Variants in PCDHGA2 observed in about 807,000 individuals in gnomAD.
PCDHGA2 encodes protocadherin gamma subfamily A, 2.
A neutral mutation model predicts 59.2 loss-of-function variants in PCDHGA2; 40 were observed. The observed-to-expected ratio is 0.68, with a 90% CI of 0.52 to 0.88. PCDHGA2 has a LOEUF of 0.88. PCDHGA2 is among the 40% of genes least tolerant of loss of function. The pLI is 0.00. For synonymous variants in PCDHGA2, 560 were observed against 526.0 expected (o/e 1.06, Z -0.89); for missense variants, 1,226 against 1,204.0 (o/e 1.02, Z -0.27).
At chr5:141,463,460 T>TTC (rs573961569) in intron 1 of PCDHGA2, among the ~76,000 whole-genome samples, 28 of 136,126 alleles carry the variant, frequency 2.1e-4, no homozygotes, top group Admixed American at 4.4e-4. Context: ...TTTTTTTTTT[T>TTC]TTTTTTGAGA....
At chr5:141,440,579 C>G (rs1004258822) in intron 1 of PCDHGA2, 12 of 152,188 alleles carry the variant, frequency 7.9e-5, no homozygotes, top group African/African-American at 2.7e-4. Flanking sequence ...TGAGTTTACC[C>G]AGCTGGAACA....
intron 1 of PCDHGA2, among the ~76,000 whole-genome samples, chr5:141,349,567 G>C (rs990181997): frequency 6.6e-6 from 1 of 151,960 alleles, no homozygotes; most frequent in African/African-American, 2.4e-5. Flanking sequence ...TAATAGTAAG[G>C]CTGTGATTTC....
chr5:141,393,261 G>A lies in PCDHGA2; in HGVS notation c.2424+51866G>A, dbSNP rs567943150. 16 of 1,613,898 alleles carry A rather than the reference G, an allele frequency of 9.9e-6. 1 individual carries two copies. Among genetic ancestry groups the A allele is most frequent in the South Asian group, 1.1e-5 (1 of 91,090 alleles). ...AATTAACGAAATCGCGGTTCCTGGAGCACGTTATCCACTCCCAGAAGCTGT... is the reference window on the plus strand; with the variant it reads ...AATTAACGAAATCGCGGTTCCTGGAACACGTTATCCACTCCCAGAAGCTGT... On this transcript the variant is annotated intron_variant, in intron 1 of 3. Transcript: ENST00000394576.
At chr5:141,344,891 G>A (rs1757488219) in intron 1 of PCDHGA2, 4 of 1,613,898 alleles carry the variant, frequency 2.5e-6, no homozygotes, top group Non-Finnish European at 2.5e-6. Flanking sequence ...AAATGCCTGG[G>A]AAAATCGCTG....
At chr5:141,414,090 A>C (rs2095707874) in intron 1 of PCDHGA2, 4 of 1,598,352 alleles carry the variant, frequency 2.5e-6, no homozygotes, top group Non-Finnish European at 3.4e-6. Context: ...CTGGAGAAAT[A>C]AAAATATCAG....
intron 2 of PCDHGA2, among the ~76,000 whole-genome samples, chr5:141,497,393 CT>C (rs1035907100): frequency 2.1e-4 from 32 of 152,254 alleles, no homozygotes; most frequent in African/African-American, 7.5e-4. Context: ...CACCTTACCC[CT>C]GCCTCAACTC....
chr5:141,477,193 C>G lies in PCDHGA2; in HGVS notation c.2425-17614C>G. The G allele has an allele frequency of 6.2e-7, 1 of 1,614,176 alleles. No homozygotes were observed. Among genetic ancestry groups the G allele is most frequent in the Non-Finnish European group, 8.5e-7 (1 of 1,180,036 alleles). On this transcript the variant is annotated intron_variant, in intron 1 of 3. Transcript: ENST00000394576. This position sits in a 1 kb window ranked among gnomAD's most constrained non-coding sequence, Gnocchi z 4.9. ...AGATCACAGTCACCTCCGTGTACAG[C>G]CCAGTACCCGAGGATGCCCCTCTGG...
chr5:141,393,118 G>C (rs1254219994), intron 1 of PCDHGA2: 31 of 1,613,354 alleles, frequency 1.9e-5, no homozygotes, highest in Non-Finnish European at 2.5e-5. Flanking sequence ...AGCCCGCGGT[G>C]TCTGATAAAT....
At position 141,432,065 on chromosome 5, in the gene PCDHGA2, AC is replaced by A; in HGVS notation, c.2425-62741del. 1.2e-6 allele frequency: 2 copies of A among 1,614,048 alleles called. No homozygotes were observed. The highest frequency in any genetic ancestry group is 1.7e-6 in the Non-Finnish European group (2 of 1,180,006). On this transcript the variant is annotated intron_variant, in intron 1 of 3. Transcript: ENST00000394576. The surrounding 1 kb of genome is among the most constrained non-coding windows in gnomAD (Gnocchi z 6.0). ...GGGAACCCCGCCCCTATCCACGGAA[AC>A]TCATATCTCGCTGAACGTGGCAGAC...
In PCDHGA2 at chr5:141,505,471, G is replaced by A. The variant is rs766596231; in HGVS notation, c.2562G>A (p.Ala854=). The A allele has an allele frequency of 3.4e-5, 55 of 1,614,244 alleles. No individual in the cohort carries two copies. The highest frequency in any genetic ancestry group is 1.1e-4 in the East Asian group (5 of 44,880). ...AGATGCTGCAAGCCATGATCTTGGCGTCCGCCAGTGGTAAGTGGTGTCAGT... is the reference window on the plus strand; with the variant it reads ...AGATGCTGCAAGCCATGATCTTGGCATCCGCCAGTGGTAAGTGGTGTCAGT... ...DTEMLQAMIL[A]SASEAADGSS... Residue 854 remains alanine (A), a synonymous_variant, in exon 3 of 4, where the codon GCG becomes GCA. Coordinates refer to ENST00000394576, the MANE Select transcript of PCDHGA2 (RefSeq NM_018915.4).
At chr5:141,366,614 G>A in intron 1 of PCDHGA2, 10 of 1,614,248 alleles carry the variant, frequency 6.2e-6, no homozygotes, top group Non-Finnish European at 7.6e-6. Flanking sequence ...CCTCACCGCG[G>A]ACTCGAGGAA....
chr5:141,511,793 G>A lies in PCDHGA2; in HGVS notation c.*620G>A, dbSNP rs2099883948. The stretch of plus-strand genomic sequence containing the variant: ...TACTGATGCTTGCTGGATTTAGGGA[G>A]GGCATTTTGCTACCAAGCCTCTTCC... On this transcript the variant is annotated 3_prime_UTR_variant, in exon 4 of 4. Coordinates refer to ENST00000394576, the MANE Select transcript of PCDHGA2 (RefSeq NM_018915.4). 6.4e-6 allele frequency: 1 copy of A among 157,066 alleles called. No homozygotes were observed. The highest frequency in any genetic ancestry group is 2.4e-5 in the African/African-American group (1 of 41,492). 9.7% of individuals were successfully genotyped at this position (157,066 alleles called of 1,614,324 possible). A position where few individuals can be genotyped will look rare whatever the true frequency, so the allele number is the denominator to read the frequency against.
At chr5:141,470,825 C>G (rs557419577) in intron 1 of PCDHGA2, among the ~76,000 whole-genome samples, 24 of 152,182 alleles carry the variant, frequency 1.6e-4, no homozygotes, top group African/African-American at 4.1e-4. Context: ...GTAGTTAGGA[C>G]GACAAACACA....
At position 141,487,578 on chromosome 5, in the gene PCDHGA2, C is replaced by T. The variant is rs1293087014; in HGVS notation, c.2425-7229C>T. The T allele has an allele frequency of 1.2e-6, 2 of 1,614,052 alleles. No individual in the cohort carries two copies. Among genetic ancestry groups the T allele is most frequent in the Non-Finnish European group, 1.7e-6 (2 of 1,180,044 alleles). ...CCTATGGCAGGGGAGCCTGTTCGCC[C>T]AAGCTGCCCACCCTCTGATCTTCTC... On this transcript the variant is annotated intron_variant, in intron 1 of 3. Coordinates refer to ENST00000394576, the MANE Select transcript of PCDHGA2 (RefSeq NM_018915.4). The surrounding 1 kb of genome is among the most constrained non-coding windows in gnomAD (Gnocchi z 5.0).
chr5:141,450,931 T>G (rs571428678), intron 1 of PCDHGA2, among the ~76,000 whole-genome samples: 2 of 151,650 alleles, frequency 1.3e-5, no homozygotes, highest in African/African-American at 4.8e-5. Flanking sequence ...TTCAAGCAAT[T>G]CTCCTACCTC....
At chr5:141,386,790 C>T (rs546308515) in intron 1 of PCDHGA2, among the ~76,000 whole-genome samples, 2 of 152,232 alleles carry the variant, frequency 1.3e-5, no homozygotes, top group South Asian at 4.2e-4. Flanking sequence ...AATCTCCTGA[C>T]CAAAATTTAT....
intron 2 of PCDHGA2, among the ~76,000 whole-genome samples, chr5:141,495,758 C>T (rs2099763543): frequency 6.6e-6 from 1 of 152,122 alleles, no homozygotes; most frequent in Non-Finnish European, 1.5e-5. Flanking sequence ...ATCTCTGCCT[C>T]CCTGTCCTTG....
chr5:141,417,507 A>G (rs573832786), intron 1 of PCDHGA2: 1 of 234,942 alleles, frequency 4.3e-6, no homozygotes, highest in Non-Finnish European at 8.1e-6. Context: ...AAAGATTAAA[A>G]TATTTTGGCT....
Position 141,339,959 on chromosome 5 carries a change from A to G in PCDHGA2, c.988A>G (p.Arg330Gly). 6.2e-7 allele frequency: 1 copy of G among 1,614,166 alleles called. No homozygotes were observed. The highest frequency in any genetic ancestry group is 8.5e-7 in the Non-Finnish European group (1 of 1,179,992). Residue 330 changes from arginine to glycine, a missense_variant, in exon 1 of 4, where the codon AGA becomes GGA. Transcript: ENST00000394576. Reference sequence around the variant, plus strand: ...TCAGGATGGTCCGGGCCTTCTAACCAGAGCGAAGGTTATCGTCACGGTTCT... The same window carrying G: ...TCAGGATGGTCCGGGCCTTCTAACCGGAGCGAAGGTTATCGTCACGGTTCT... Reference protein sequence around the residue: ...EAQDGPGLLTRAKVIVTVLDV... With the variant: ...EAQDGPGLLTGAKVIVTVLDV...
Sources: gnomAD v4.1 joint callset for allele counts (sites outside exome capture counted in the v4.1 genomes callset) on GRCh38, gnomAD v4.1.1 for gene constraint, Gnocchi (gnomAD v3.1) non-coding constraint, MANE v1.5 for transcripts, NCBI Gene and HGNC (gene_info 2026-07-23, HGNC 2026-07-21) for gene names.